Variants in PSMF1 observed in about 807,000 individuals in gnomAD.
PSMF1 encodes proteasome inhibitor PI31 subunit.
In PSMF1, 30 loss-of-function variants were observed where a neutral mutation model predicts 29.3. The observed-to-expected ratio is 1.02, with a 90% confidence interval of 0.77 to 1.39. The LOEUF is 1.39. Among genes scored for constraint, PSMF1 ranks in the 40% most tolerant of loss-of-function variants. PSMF1 has a pLI of 0.00. For missense variants in PSMF1, 344 were observed against 357.5 expected (o/e 0.96, Z 0.31); for synonymous variants, 134 against 139.7 (o/e 0.96, Z 0.29).
At position 1,139,807 on chromosome 20, in the gene PSMF1, A is replaced by AT. The variant is rs1796715068; in HGVS notation, c.551+4503dup. On this transcript the variant is annotated intron_variant, in intron 4 of 6. Coordinates refer to ENST00000335877, the MANE Select transcript of PSMF1 (RefSeq NM_006814.5). ...TACATTAGCAATGAACAATCTAAAAATTAATGAAATTATCCCATTTATAAC... is the reference window on the plus strand; with the variant it reads ...TACATTAGCAATGAACAATCTAAAAATTTAATGAAATTATCCCATTTATAAC... Among the ~76,000 whole-genome samples the AT allele has an allele frequency of 2.0e-5, 3 of 152,198 alleles. No homozygotes were observed. In the South Asian group the frequency reaches 6.2e-4, roughly 32 times the overall value.
At chr20:1,122,962 G>A (rs2086108686) in intron 1 of PSMF1, among the ~76,000 whole-genome samples, 1 of 152,228 alleles carries the variant, frequency 6.6e-6, no homozygotes, top group Non-Finnish European at 1.5e-5. Flanking sequence ...GAGCAAAGAT[G>A]AGGATGTCAT....
At position 1,135,227 on chromosome 20, in the gene PSMF1, T is replaced by C. The variant is rs146612629; in HGVS notation, c.472T>C (p.Phe158Leu). ...KANVSSPHRE[F>L]PPATAREVDP... The stretch of plus-strand genomic sequence containing the variant: ...TAATGTAAGCAGTCCCCACCGGGAG[T>C]TCCCCCCTGCTACCGCCAGAGAGGT... The change falls in exon 4 of 7, where the codon TTC (phenylalanine) becomes CTC (leucine). Residue 158 changes from phenylalanine to leucine, a missense_variant. By Grantham distance (22) the Phe-to-Leu change is conservative. Coordinates refer to ENST00000335877, the MANE Select transcript of PSMF1 (RefSeq NM_006814.5). 7 of 1,613,756 alleles carry C rather than the reference T, an allele frequency of 4.3e-6. No homozygotes were observed. In the Admixed American group the frequency reaches 5.0e-5, roughly 12 times the overall value.
In PSMF1 at chr20:1,166,292, A is replaced by G. The variant is rs1568486091; in HGVS notation, c.*1212A>G. 6.2e-7 allele frequency: 1 copy of G among 1,602,570 alleles called. No homozygotes were observed. The highest frequency in any genetic ancestry group is 8.5e-7 in the Non-Finnish European group (1 of 1,171,716). ...TGGAGTGGAAAGAGCACGATAGAGC[A>G]CCAGGCTAAGAGGCACGAGATCAAG... On this transcript the variant is annotated 3_prime_UTR_variant, in exon 7 of 7. Transcript: ENST00000335877.
At position 1,166,283 on chromosome 20, in the gene PSMF1, C is replaced by T. The variant is rs374421076; in HGVS notation, c.*1203C>T. 4,537 of 1,606,502 alleles carry T rather than the reference C, an allele frequency of 2.8e-3. 4 individuals carry two copies. The highest frequency in any genetic ancestry group is 3.6e-3 in the Non-Finnish European group (4,204 of 1,174,866). ...GCCCTGTTCTGGAGTGGAAAGAGCA[C>T]GATAGAGCACCAGGCTAAGAGGCAC... is the stretch of plus-strand genomic sequence containing the variant. On this transcript the variant is annotated 3_prime_UTR_variant, in exon 7 of 7. Coordinates refer to ENST00000335877, the MANE Select transcript of PSMF1 (RefSeq NM_006814.5).
chr20:1,162,529 C>T (rs2086679708), intron 4 of PSMF1, among the ~76,000 whole-genome samples: 1 of 152,170 alleles, frequency 6.6e-6, no homozygotes, highest in Non-Finnish European at 1.5e-5. Flanking sequence ...TGCCTTCTAG[C>T]TCATGCATTC....
At chr20:1,130,446 C>T (rs554030362) in intron 3 of PSMF1, among the ~76,000 whole-genome samples, 1 of 152,276 alleles carries the variant, frequency 6.6e-6, no homozygotes, top group African/African-American at 2.4e-5. Flanking sequence ...CTGCCTTCCC[C>T]GCATCCCTGT....
Position 1,118,604 on chromosome 20 carries a change from C to A in PSMF1, c.-170C>A. ...CGCCCGCTGTTGGGACTACTTCCGG[C>A]TTCCCCGCCCCGCCCCGTCCCCGGG... On this transcript the variant is annotated 5_prime_UTR_variant, in exon 1 of 7. Coordinates refer to ENST00000335877, the MANE Select transcript of PSMF1 (RefSeq NM_006814.5). 1 of 794,632 alleles carries A rather than the reference C, an allele frequency of 1.3e-6. No individual in the cohort carries two copies. Among genetic ancestry groups the A allele is most frequent in the East Asian group, 2.9e-5 (1 of 34,090 alleles). 49.2% of individuals were successfully genotyped at this position (794,632 alleles called of 1,614,324 possible).
intron 4 of PSMF1, among the ~76,000 whole-genome samples, chr20:1,146,280 T>A (rs1042710524): frequency 6.6e-6 from 1 of 152,026 alleles, no homozygotes; most frequent in Admixed American, 6.5e-5. Flanking sequence ...TCTGAATTAC[T>A]ACGTAACAGA....
chr20:1,152,513 C>A (rs542651977), intron 4 of PSMF1, among the ~76,000 whole-genome samples: 1 of 152,122 alleles, frequency 6.6e-6, no homozygotes, highest in Non-Finnish European at 1.5e-5. Flanking sequence ...AAGCACAGTC[C>A]GATGCATATA....
At chr20:1,147,142 A>G (rs1192964553) in intron 4 of PSMF1, among the ~76,000 whole-genome samples, 3 of 94,602 alleles carry the variant, frequency 3.2e-5, no homozygotes, top group Non-Finnish European at 7.2e-5. Flanking sequence ...CGTTATCATC[A>G]TCATCATCAT....
chr20:1,118,177 C>T (rs2086030413), upstream of PSMF1, among the ~76,000 whole-genome samples: 1 of 152,222 alleles, frequency 6.6e-6, no homozygotes, highest in South Asian at 2.1e-4. Flanking sequence ...CAAATTATCC[C>T]TCTGCGCCTC....
In PSMF1 at chr20:1,135,295, G is replaced by C. The variant is rs149005058; in HGVS notation, c.540G>C (p.Arg180=). 2 of 1,611,966 alleles carry C rather than the reference G, an allele frequency of 1.2e-6. No individual in the cohort carries two copies. The highest frequency in any genetic ancestry group is 1.7e-6 in the Non-Finnish European group (2 of 1,178,850). Reference sequence around the variant, plus strand: ...CTCCACACCACCCACACACCAGTCGGCAGCCTCCCTGGTGAGTACAGAGTG... The same window carrying C: ...CTCCACACCACCCACACACCAGTCGCCAGCCTCCCTGGTGAGTACAGAGTG... ...RIPPHHPHTS[R]QPPWCDPLGP... is the part of the protein sequence containing the mutation. Residue 180 remains arginine (R), a synonymous_variant, in exon 4 of 7, where the codon CGG becomes CGC. Transcript: ENST00000335877.
intron 1 of PSMF1, among the ~76,000 whole-genome samples, chr20:1,124,331 C>T (rs2086126189): frequency 6.6e-6 from 1 of 152,062 alleles, no homozygotes; most frequent in African/African-American, 2.4e-5. Context: ...TCACAACTCA[C>T]AATAAAAGAT....
Position 1,166,258 on chromosome 20 carries a change from G to T in PSMF1, c.*1178G>T, listed in dbSNP as rs562907143. On this transcript the variant is annotated 3_prime_UTR_variant, in exon 7 of 7. Transcript: ENST00000335877. ...GCCTGACAGACGCGGGCAGTGATGAGCCCTGTTCTGGAGTGGAAAGAGCAC... is the reference window on the plus strand; with the variant it reads ...GCCTGACAGACGCGGGCAGTGATGATCCCTGTTCTGGAGTGGAAAGAGCAC... The T allele has an allele frequency of 7.4e-6, 12 of 1,612,262 alleles. No individual in the cohort carries two copies. The African/African-American group carries it at 1.3e-4, about 18-fold the overall frequency.
At chr20:1,140,722 A>G (rs889407233) in intron 4 of PSMF1, among the ~76,000 whole-genome samples, 3 of 152,270 alleles carry the variant, frequency 2.0e-5, no homozygotes, top group Non-Finnish European at 2.9e-5. Flanking sequence ...AGAAGCTTGT[A>G]TCCAGAATAT....
At chr20:1,144,202 G>A (rs940212115) in intron 4 of PSMF1, among the ~76,000 whole-genome samples, 2 of 152,230 alleles carry the variant, frequency 1.3e-5, no homozygotes, top group Admixed American at 1.3e-4. Flanking sequence ...CATTAAGCTA[G>A]GTGAAATGCA....
At chr20:1,119,720 C>T (rs2086060842) in intron 1 of PSMF1, among the ~76,000 whole-genome samples, 1 of 152,172 alleles carries the variant, frequency 6.6e-6, no homozygotes, top group South Asian at 2.1e-4. Context: ...CTCTGGCATT[C>T]TTCTTTCTTT....
intron 3 of PSMF1, among the ~76,000 whole-genome samples, chr20:1,134,246 A>C (rs934751808): frequency 6.6e-6 from 1 of 151,968 alleles, no homozygotes; most frequent in Non-Finnish European, 1.5e-5. Flanking sequence ...CTTCTCAGCA[A>C]TCCTTTAGTT....
At chr20:1,115,922 A>G (rs941576678), upstream of PSMF1, among the ~76,000 whole-genome samples, 52 of 151,878 alleles carry the variant, frequency 3.4e-4, no homozygotes, top group Middle Eastern at 6.8e-3. Context: ...TAGTAGAGAC[A>G]GGGTTTCACC....
Sources: allele counts gnomAD v4.1 joint callset (sites outside exome capture counted in the v4.1 genomes callset), GRCh38; gene constraint gnomAD v4.1.1; transcripts MANE v1.5; gene names NCBI Gene and HGNC (gene_info 2026-07-23, HGNC 2026-07-21).